CACNA1G: variants seen among roughly 807,000 people sequenced by gnomAD.
CACNA1G encodes calcium voltage-gated channel subunit alpha1 G.
Under a neutral mutation model 219.4 loss-of-function variants are expected in CACNA1G, and 67 were observed. The observed-to-expected ratio is 0.31, with a 90% CI of 0.25 to 0.37. The LOEUF is 0.37. Among genes scored for constraint, CACNA1G ranks in the 10% least tolerant of loss-of-function variants. The pLI is 1.00. For missense variants in CACNA1G, 2,380 were observed against 3,231.4 expected, an observed-to-expected ratio of 0.74 and a Z score of 6.39; for synonymous variants, 1,296 against 1,345.3, an observed-to-expected ratio of 0.96 and a Z score of 0.80.
chr17:50,601,172 G>C lies in CACNA1G; in HGVS notation c.3913G>C (p.Ala1305Pro), dbSNP rs752133556. 6.2e-7 allele frequency: 1 copy of C among 1,613,656 alleles called. No individual in the cohort carries two copies. The highest frequency in any genetic ancestry group is 8.5e-7 in the Non-Finnish European group (1 of 1,179,842). ...GCGCCCCAAAATTGACCCCCACAGCGCTGTGAGTCACCAGCCCCGCTCAGG... is the reference window on the plus strand; with the variant it reads ...GCGCCCCAAAATTGACCCCCACAGCCCTGTGAGTCACCAGCCCCGCTCAGG... ...MERPKIDPHS[A>P]ERIFLTLSNY... The change falls in exon 19 of 38, where the codon GCT (alanine) becomes CCT (proline). Residue 1305 changes from alanine (A) to proline (P), a missense_variant and splice_region_variant. Ala to Pro is a conservative substitution (Grantham distance 27). Transcript: ENST00000359106.
At position 50,561,563 on chromosome 17, in the gene CACNA1G, G is replaced by T; in HGVS notation, c.104G>T (p.Gly35Val). Residue 35 changes from glycine to valine, a missense_variant, in exon 1 of 38, where the codon GGG becomes GTG. This residue lies in a region of CACNA1G where 98 missense variants were observed against 85.5 expected (regional missense o/e 1.15). Coordinates refer to ENST00000359106, the MANE Select transcript of CACNA1G (RefSeq NM_018896.5). ...GGGGCCGGGGGCCGGCCGGGGCCGG[G>T]GTCAGCAGAAAAGGACCCGGGCAGC... is the stretch of plus-strand genomic sequence containing the variant. ...LSGAGGRPGP[G>V]SAEKDPGSAD... 1.3e-6 allele frequency: 2 copies of T among 1,548,386 alleles called. No homozygotes were observed. Among genetic ancestry groups the T allele is most frequent in the Non-Finnish European group, 8.7e-7 (1 of 1,150,010 alleles).
intron 9 of CACNA1G, among the ~76,000 whole-genome samples, chr17:50,587,856 C>T (rs1013716126): frequency 5.3e-5 from 8 of 152,098 alleles, no homozygotes; most frequent in African/African-American, 1.9e-4. Flanking sequence ...ATAAGCCTCT[C>T]GGTGGTGTGC....
rs867783939 is a variant in CACNA1G, at chr17:50,596,871, C to T, written c.3206C>T (p.Thr1069Ile). ...GEALGPASRR[T>I]SSSGSAEPGA... ...GCGCTGGGCCCTGCGTCGCGCCGCA[C>T]CAGCAGCAGCGGGTCGGCAGAGCCT... The change falls in exon 16 of 38, where the codon ACC becomes ATC. Residue 1069 changes from threonine to isoleucine, a missense_variant. This residue lies in a region of CACNA1G where 418 missense variants were observed against 434.3 expected (regional missense o/e 0.96). Transcript: ENST00000359106. This position sits in a 1 kb window ranked among gnomAD's most constrained non-coding sequence, Gnocchi z 4.8. The T allele has an allele frequency of 1.3e-6, 2 of 1,592,138 alleles. No individual in the cohort carries two copies. Among genetic ancestry groups the T allele is most frequent in the South Asian group, 1.1e-5 (1 of 88,580 alleles).
chr17:50,607,157 A>C, intron 24 of CACNA1G, 168 bp downstream of exon 24: 1 of 691,542 alleles, frequency 1.4e-6, no homozygotes, highest in Non-Finnish European at 2.7e-6. Context: ...GGCATGTTTT[A>C]TTGGTCTACA....
intron 9 of CACNA1G, among the ~76,000 whole-genome samples, chr17:50,584,949 C>T (rs1312265843): frequency 6.6e-6 from 1 of 152,134 alleles, no homozygotes; most frequent in East Asian, 1.9e-4. Context: ...GTGCCTCTCT[C>T]TAGCGATACT....
intron 21 of CACNA1G, 106 bp from the exon 22 acceptor site, chr17:50,604,049 C>T (rs1239915695): frequency 1.0e-5 from 12 of 1,204,882 alleles, no homozygotes; most frequent in Middle Eastern, 2.2e-4. Context: ...CACCAGAGGC[C>T]AGGAAGGGAC....
Position 50,626,912 on chromosome 17 carries a change from AAG to A in CACNA1G, c.*166_*167del, listed in dbSNP as rs1465727198. 2.1e-6 allele frequency: 2 copies of A among 932,452 alleles called. No homozygotes were observed. The highest frequency in any genetic ancestry group is 1.6e-5 in the African/African-American group (1 of 61,832). 57.8% of individuals were successfully genotyped at this position (932,452 alleles called of 1,614,324 possible). On this transcript the variant is annotated 3_prime_UTR_variant, in exon 38 of 38. Transcript: ENST00000359106. The surrounding 1 kb of genome is among the most constrained non-coding windows in gnomAD (Gnocchi z 4.3). ...TGGGTACCTGCAAGCAGAACTTCCA[AAG>A]AGAGTTAAAAGCAGCAGCCCCGGCA...
chr17:50,561,022 G>A lies in CACNA1G; in HGVS notation c.-438G>A. On this transcript the variant is annotated 5_prime_UTR_variant, in exon 1 of 38. Transcript: ENST00000359106. Reference sequence around the variant, plus strand: ...GGGACGATGCTGACCCCTTAGATCCGGCTCCAGCTGCGCCGCGGGAAGAGG... The same window carrying A: ...GGGACGATGCTGACCCCTTAGATCCAGCTCCAGCTGCGCCGCGGGAAGAGG... 1 of 315,936 alleles carries A rather than the reference G, an allele frequency of 3.2e-6. No homozygotes were observed. The highest frequency in any genetic ancestry group is 1.3e-4 in the East Asian group (1 of 7,616). 19.6% of individuals were successfully genotyped at this position (315,936 alleles called of 1,614,324 possible).
rs947131228 is a variant in CACNA1G, at chr17:50,561,536, C to T, written c.77C>T (p.Ser26Leu). 27 of 1,537,864 alleles carry T rather than the reference C, an allele frequency of 1.8e-5. No individual in the cohort carries two copies. Among genetic ancestry groups the T allele is most frequent in the Non-Finnish European group, 2.3e-5 (26 of 1,146,320 alleles). ...AGCTTCATGCGGCTCAACGACCTGT[C>T]GGGGGCCGGGGGCCGGCCGGGGCCG... ...PRSFMRLNDL[S>L]GAGGRPGPGS... The change falls in exon 1 of 38, where the codon TCG (serine) becomes TTG (leucine). Residue 26 changes from serine (S) to leucine (L), a missense_variant. Around this residue, in one of 17 missense-constraint regions of CACNA1G, gnomAD observed 98 missense variants for 85.5 expected, o/e 1.15. Coordinates refer to ENST00000359106, the MANE Select transcript of CACNA1G (RefSeq NM_018896.5).
rs1238211709 is a variant in CACNA1G, at chr17:50,616,318, T to G, written c.4955T>G (p.Val1652Gly). 1.9e-6 allele frequency: 3 copies of G among 1,613,842 alleles called. No individual in the cohort carries two copies. Among genetic ancestry groups the G allele is most frequent in the African/African-American group, 1.3e-5 (1 of 75,040 alleles). Reference sequence around the variant, plus strand: ...AAGATCTGCAACTACATCTTCACTGTCATCTTTGTCTTGGAGTCAGTTTTC... The same window carrying G: ...AAGATCTGCAACTACATCTTCACTGGCATCTTTGTCTTGGAGTCAGTTTTC... ...ALKICNYIFT[V>G]IFVLESVFKL... Residue 1652 changes from valine to glycine, a missense_variant, in exon 28 of 38, where the codon GTC (valine) becomes GGC (glycine). Physicochemically the swap from Val to Gly is moderately radical, Grantham distance 109. This residue lies in a region of CACNA1G where 123 missense variants were observed against 258.4 expected (regional missense o/e 0.48). Transcript: ENST00000359106.
chr17:50,600,334 G>C lies in CACNA1G; in HGVS notation c.3691-392G>C, dbSNP rs1454533084. The stretch of plus-strand genomic sequence containing the variant: ...GGTTAGCATGTGAAGAGCAGGGCCA[G>C]TGTCTCCTCAGCTGAGGTGTGTCTC... On this transcript the variant is annotated intron_variant, in intron 17 of 37. Coordinates refer to ENST00000359106, the MANE Select transcript of CACNA1G (RefSeq NM_018896.5). The surrounding 1 kb of genome is among the most constrained non-coding windows in gnomAD (Gnocchi z 4.1). Among the ~76,000 whole-genome samples, 1 of 152,214 alleles carries C rather than the reference G, an allele frequency of 6.6e-6. No individual in the cohort carries two copies. The highest frequency in any genetic ancestry group is 2.4e-5 in the African/African-American group (1 of 41,448).
Position 50,571,996 on chromosome 17 carries a change from G to C in CACNA1G, c.705G>C (p.Gly235=). Residue 235 remains glycine, a synonymous_variant, in exon 5 of 38, where the codon GGG becomes GGC. Coordinates refer to ENST00000359106, the MANE Select transcript of CACNA1G (RefSeq NM_018896.5). The surrounding 1 kb of genome is among the most constrained non-coding windows in gnomAD (Gnocchi z 4.3). Reference sequence around the variant, plus strand: ...TCGTCGGCGTCCAGCTGTGGGCAGGGCTGCTTCGGAACCGATGCTTCCTAC... The same window carrying C: ...TCGTCGGCGTCCAGCTGTGGGCAGGCCTGCTTCGGAACCGATGCTTCCTAC... ...FGIVGVQLWA[G]LLRNRCFLPE... The C allele has an allele frequency of 6.2e-7, 1 of 1,613,946 alleles. No individual in the cohort carries two copies. Among genetic ancestry groups the C allele is most frequent in the African/African-American group, 1.3e-5 (1 of 75,064 alleles).
intron 9 of CACNA1G, among the ~76,000 whole-genome samples, chr17:50,588,262 C>T (rs538506644): frequency 1.4e-3 from 129 of 92,850 alleles, no homozygotes; most frequent in African/African-American, 5.4e-3. Flanking sequence ...TCACCATCAC[C>T]GTGGCTTGGT....
At chr17:50,624,324 T>TCCCCCCCCCCCCCCCCCCCGTG in intron 36 of CACNA1G, 36 bp from the exon 37 acceptor site, 1 of 1,177,664 alleles carries the variant, frequency 8.5e-7, no homozygotes, top group Non-Finnish European at 1.2e-6. Flanking sequence ...CTCCATTCTC[T>TCCCCCCCCCCCCCCCCCCCGTG]CCCCCCACCC....
chr17:50,565,020 A>G (rs2037276358), intron 1 of CACNA1G, among the ~76,000 whole-genome samples: 1 of 130,292 alleles, frequency 7.7e-6, no homozygotes, highest in Non-Finnish European at 1.6e-5. Context: ...CCCCCACCAC[A>G]CAGCCCCCCC....
Position 50,575,814 on chromosome 17 carries a change from T to C in CACNA1G, c.1412T>C (p.Leu471Pro). The change falls in exon 8 of 38, where the codon CTC becomes CCC. Residue 471 changes from leucine (L) to proline (P), a missense_variant. By Grantham distance (98) the Leu-to-Pro change is moderately conservative. Coordinates refer to ENST00000359106, the MANE Select transcript of CACNA1G (RefSeq NM_018896.5). ...GGGCTGCTCAGCAGCCCAGCACCCCTCGGGGGCCAGGAGACCCAGCCCAGC... is the reference window on the plus strand; with the variant it reads ...GGGCTGCTCAGCAGCCCAGCACCCCCCGGGGGCCAGGAGACCCAGCCCAGC... ...RVGLLSSPAP[L>P]GGQETQPSSS... 1 of 1,551,256 alleles carries C rather than the reference T, an allele frequency of 6.4e-7. No individual in the cohort carries two copies. The highest frequency in any genetic ancestry group is 8.7e-7 in the Non-Finnish European group (1 of 1,147,570).
In CACNA1G at chr17:50,618,792, G is replaced by A. The variant is rs1350576036; in HGVS notation, c.5565G>A (p.Glu1855=). The A allele has an allele frequency of 6.2e-7, 1 of 1,614,006 alleles. No homozygotes were observed. Among genetic ancestry groups the A allele is most frequent in the Non-Finnish European group, 8.5e-7 (1 of 1,179,896 alleles). The change falls in exon 33 of 38, where the codon GAG becomes GAA. Residue 1855 remains glutamate, a synonymous_variant. Coordinates refer to ENST00000359106, the MANE Select transcript of CACNA1G (RefSeq NM_018896.5). This position sits in a 1 kb window ranked among gnomAD's most constrained non-coding sequence, Gnocchi z 5.3. ...VVIAVLMKHL[E]ESNKEAKEEA... Reference sequence around the variant, plus strand: ...TCGCCGTGCTGATGAAGCACCTGGAGGAGAGCAACAAGGAGGCCAAGGAGG... The same window carrying A: ...TCGCCGTGCTGATGAAGCACCTGGAAGAGAGCAACAAGGAGGCCAAGGAGG...
chr17:50,615,009 G>A (rs1483837359), intron 26 of CACNA1G, among the ~76,000 whole-genome samples: 5 of 152,194 alleles, frequency 3.3e-5, no homozygotes, highest in Admixed American at 1.3e-4. Flanking sequence ...GTTTTTCATC[G>A]TATCGATCTG....
chr17:50,594,376 A>G (rs1451180975), intron 13 of CACNA1G, among the ~76,000 whole-genome samples: 1 of 152,196 alleles, frequency 6.6e-6, no homozygotes, highest in Non-Finnish European at 1.5e-5. Context: ...TTCTGATCTG[A>G]AGGGACTTAA....
Sources: gnomAD v4.1 joint callset for allele counts (sites outside exome capture counted in the v4.1 genomes callset) on GRCh38, gnomAD v4.1.1 for gene constraint, gnomAD v4.1.1 regional missense constraint, Gnocchi (gnomAD v3.1) non-coding constraint, MANE v1.5 for transcripts, NCBI Gene and HGNC (gene_info 2026-07-23, HGNC 2026-07-21) for gene names.